The following EDARADD variants were observed in gnomAD, a reference collection of about 807,000 sequenced individuals.
EDARADD encodes the protein EDAR associated via death domain.
A neutral mutation model predicts 25.6 loss-of-function variants in EDARADD; 20 were observed. The ratio of observed to expected loss-of-function variants is 0.78; its 90% CI spans 0.55 to 1.14. The LOEUF is 1.14. EDARADD is among the 50% of genes most tolerant of loss of function. EDARADD has a pLI of 0.00. For synonymous variants in EDARADD, 86 were observed against 94.4 expected (o/e 0.91, Z 0.52); for missense variants, 225 against 270.1 (o/e 0.83, Z 1.17).
chr1:236,405,781 C>CCT (rs1558112444), intron 1 of EDARADD, among the ~76,000 whole-genome samples: 2 of 63,380 alleles, frequency 3.2e-5, no homozygotes, highest in Admixed American at 1.7e-4. Context: ...TTCTTTCTTT[C>CCT]TTTCTTTCTT....
At chr1:236,460,743 A>G (rs540784659) in intron 4 of EDARADD, among the ~76,000 whole-genome samples, 32 of 152,168 alleles carry the variant, frequency 2.1e-4, no homozygotes, top group Non-Finnish European at 3.7e-4. Flanking sequence ...CACAGATACC[A>G]GCTTTGTCTT....
intron 2 of EDARADD, among the ~76,000 whole-genome samples, chr1:236,410,009 C>A (rs1161711721): frequency 1.3e-5 from 2 of 152,024 alleles, no homozygotes; most frequent in Non-Finnish European, 2.9e-5. Flanking sequence ...CCTCCCGTAA[C>A]CATTCTGAGG....
intron 4 of EDARADD, among the ~76,000 whole-genome samples, chr1:236,455,983 G>C (rs573649786): frequency 6.6e-6 from 1 of 152,188 alleles, no homozygotes; most frequent in East Asian, 1.9e-4. Context: ...TAGAGATGGA[G>C]TTTCACCATT....
rs1659782440 is a variant in EDARADD at position 236,484,679 on chromosome 1, G to A, written c.*2030G>A. 8.7e-6 allele frequency: 3 copies of A among 345,372 alleles called. No individual in the cohort carries two copies. The highest frequency in any genetic ancestry group is 8.2e-5 in the Admixed American group (2 of 24,324). The allele number at this position is 345,372 out of a possible 1,614,324, so 21.4% of individuals were successfully genotyped here. ...GCCGAGATTGCGCCACTGCACACCA[G>A]TCTGGAGACAGAGTGAGAGTCCGTC... On this transcript the variant is annotated 3_prime_UTR_variant, in exon 6 of 6. Coordinates refer to ENST00000334232, the MANE Select transcript of EDARADD (RefSeq NM_145861.4). The surrounding 1 kb of genome is among the most constrained non-coding windows in gnomAD (Gnocchi z 4.1).
intron 3 of EDARADD, among the ~76,000 whole-genome samples, chr1:236,378,665 C>T (rs1667254520): frequency 6.6e-6 from 1 of 152,064 alleles, no homozygotes; most frequent in Non-Finnish European, 1.5e-5. Flanking sequence ...TATTTGAGAG[C>T]AAAATAACTA....
exon 2 of EDARADD, chr1:236,348,863 C>A (rs1666881565): frequency 6.6e-6 from 1 of 152,058 alleles, no homozygotes; most frequent in Admixed American, 6.6e-5. Context: ...TGGAAGAATC[C>A]CTGAATGAAC....
At chr1:236,393,609 C>T (rs576165242), upstream of EDARADD, among the ~76,000 whole-genome samples, 4 of 151,894 alleles carry the variant, frequency 2.6e-5, no homozygotes, top group Admixed American at 6.6e-5. Flanking sequence ...ATTGGCCAGG[C>T]TGGCCTCGAA....
intron 3 of EDARADD, among the ~76,000 whole-genome samples, chr1:236,354,698 C>T (rs1278812437): frequency 6.6e-6 from 1 of 152,134 alleles, no homozygotes; most frequent in Non-Finnish European, 1.5e-5. Context: ...GAGACCTGGC[C>T]TTAGAAACAC....
intron 1 of EDARADD, among the ~76,000 whole-genome samples, chr1:236,407,937 T>C (rs1018298919): frequency 6.6e-6 from 1 of 152,164 alleles, no homozygotes; most frequent in African/African-American, 2.4e-5. Context: ...AAAACTATGG[T>C]TTTTTCTTTA....
intron 4 of EDARADD, among the ~76,000 whole-genome samples, chr1:236,464,239 T>C (rs1394052955): frequency 1.4e-5 from 2 of 147,038 alleles, no homozygotes; most frequent in East Asian, 2.2e-4. Context: ...GCCCATCACC[T>C]TTCTGCAAGT....
intron 4 of EDARADD, among the ~76,000 whole-genome samples, chr1:236,446,967 G>C (rs772998719): frequency 6.6e-6 from 1 of 152,198 alleles, no homozygotes; most frequent in Non-Finnish European, 1.5e-5. Flanking sequence ...GTAAACAAAA[G>C]ACAAGACCTC....
intron 3 of EDARADD, among the ~76,000 whole-genome samples, 158 bp downstream of exon 3, chr1:236,414,457 T>G (rs1571920678): frequency 9.9e-6 from 1 of 100,764 alleles, no homozygotes; most frequent in East Asian, 4.9e-4. Flanking sequence ...GAAATTAATT[T>G]TTTTCTTTTT....
chr1:236,466,356 G>A (rs141370837), intron 4 of EDARADD, among the ~76,000 whole-genome samples: 102 of 151,922 alleles, frequency 6.7e-4, no homozygotes, highest in Middle Eastern at 3.4e-3. Context: ...ATTTCTATCC[G>A]TTCAGAGACT....
At chr1:236,409,720 C>T (rs1305674787) in intron 2 of EDARADD, among the ~76,000 whole-genome samples, 4 of 151,154 alleles carry the variant, frequency 2.6e-5, no homozygotes, top group South Asian at 4.2e-4. Flanking sequence ...TGCCACCATG[C>T]CTGGCTAATT....
rs184445809 is a variant in EDARADD at position 236,456,013 on chromosome 1, T to C, written c.220-12218T>C. Among the ~76,000 whole-genome samples, 13 of 152,286 alleles carry C rather than the reference T, an allele frequency of 8.5e-5. No individual in the cohort carries two copies. In the South Asian group the frequency reaches 2.3e-3, roughly 27 times the overall value. On this transcript the variant is annotated intron_variant, in intron 4 of 5. Coordinates refer to ENST00000334232, the MANE Select transcript of EDARADD (RefSeq NM_145861.4). ...ACCATTTTAGCCAGGATGGTCTCGA[T>C]CTGCTGACCTTGTAATCCGCCCGCC...
chr1:236,351,120 CG>C (rs1259101278), intron 3 of EDARADD, among the ~76,000 whole-genome samples: 2 of 151,976 alleles, frequency 1.3e-5, no homozygotes, highest in African/African-American at 4.8e-5. Flanking sequence ...GCCTAGGCGA[CG>C]GTGAGACCCC....
intron 4 of EDARADD, among the ~76,000 whole-genome samples, chr1:236,464,052 A>G (rs1438441153): frequency 2.0e-5 from 3 of 152,132 alleles, no homozygotes; most frequent in Non-Finnish European, 2.9e-5. Context: ...AAGTAAGCAG[A>G]TGAAAGGGCT....
intron 5 of EDARADD, among the ~76,000 whole-genome samples, chr1:236,473,351 G>A (rs899932385): frequency 6.6e-6 from 1 of 152,126 alleles, no homozygotes; most frequent in African/African-American, 2.4e-5. Context: ...GGATGCCAGG[G>A]ACAGGAAGTT....
chr1:236,371,963 T>C (rs902215453), intron 3 of EDARADD, among the ~76,000 whole-genome samples: 3 of 151,906 alleles, frequency 2.0e-5, no homozygotes, highest in Non-Finnish European at 2.9e-5. Context: ...ATTTATTTAT[T>C]TATTTTTTTG....
Sources: allele counts gnomAD v4.1 joint callset (sites outside exome capture counted in the v4.1 genomes callset), GRCh38; gene constraint gnomAD v4.1.1; non-coding constraint Gnocchi (gnomAD v3.1); transcripts MANE v1.5; gene names NCBI Gene and HGNC (gene_info 2026-07-23, HGNC 2026-07-21).